Variants in SLC43A2 observed in about 807,000 individuals in gnomAD.
SLC43A2 encodes the protein solute carrier family 43 member 2.
In SLC43A2, 38 loss-of-function variants were observed where a neutral mutation model predicts 63.2. The observed-to-expected ratio is 0.60, with a 90% CI of 0.46 to 0.79. SLC43A2 has a LOEUF of 0.79. Among genes scored for constraint, SLC43A2 ranks in the 30% least tolerant of loss-of-function variants. SLC43A2 has a pLI of 0.00. For missense variants in SLC43A2, 644 were observed against 756.2 expected (o/e 0.85, Z 1.74); for synonymous variants, 322 against 331.0 (o/e 0.97, Z 0.30).
intron 5 of SLC43A2, among the ~76,000 whole-genome samples, chr17:1,608,351 G>A (rs559244444): frequency 1.3e-5 from 2 of 152,086 alleles, no homozygotes; most frequent in South Asian, 2.1e-4. Flanking sequence ...TCCAGTGGGA[G>A]AGCAAAGAGT....
At chr17:1,627,987 C>T (rs1908846099) in intron 1 of SLC43A2, 67 bp from the exon 2 acceptor site, 7 of 1,260,292 alleles carry the variant, frequency 5.6e-6, no homozygotes, top group Non-Finnish European at 7.0e-6. Flanking sequence ...CCAGCAGCCC[C>T]GACCGCTGCC....
intron 4 of SLC43A2, among the ~76,000 whole-genome samples, chr17:1,614,103 C>T (rs919972605): frequency 4.6e-5 from 7 of 152,056 alleles, no homozygotes; most frequent in Non-Finnish European, 1.0e-4. Context: ...ATTAGCCAGG[C>T]GTGGTGGCGG....
At chr17:1,599,044 T>TA (rs1905618096) in intron 5 of SLC43A2, among the ~76,000 whole-genome samples, 1 of 152,208 alleles carries the variant, frequency 6.6e-6, no homozygotes, top group South Asian at 2.1e-4. Flanking sequence ...ATTATGATCT[T>TA]TTCCTTAGAA....
At chr17:1,621,359 C>T (rs556660434) in intron 2 of SLC43A2, among the ~76,000 whole-genome samples, 3 of 152,280 alleles carry the variant, frequency 2.0e-5, no homozygotes, top group East Asian at 1.9e-4. Flanking sequence ...CCTGACTAGT[C>T]GCTTTCCGAG....
At chr17:1,592,737 T>G (rs185670691) in intron 6 of SLC43A2, among the ~76,000 whole-genome samples, 1 of 152,292 alleles carries the variant, frequency 6.6e-6, no homozygotes, top group South Asian at 2.1e-4. Flanking sequence ...CCTGACCCTG[T>G]GTGACTTCCA....
intron 11 of SLC43A2, among the ~76,000 whole-genome samples, chr17:1,580,676 C>G (rs1183623810): frequency 6.6e-6 from 1 of 152,046 alleles, no homozygotes; most frequent in Non-Finnish European, 1.5e-5. Context: ...ATTGTTCTCC[C>G]TCAGCCTCCT....
intron 11 of SLC43A2, among the ~76,000 whole-genome samples, chr17:1,582,698 C>T (rs1255374478): frequency 6.6e-6 from 1 of 152,218 alleles, no homozygotes; most frequent in Non-Finnish European, 1.5e-5. Context: ...TCACCTGCAG[C>T]AGCAAGCACA....
At chr17:1,591,960 C>T (rs1301020334) in intron 6 of SLC43A2, among the ~76,000 whole-genome samples, 1 of 152,236 alleles carries the variant, frequency 6.6e-6, no homozygotes, top group East Asian at 1.9e-4. Flanking sequence ...ACCGCCCCGC[C>T]ATGACCACGG....
intron 12 of SLC43A2, 97 bp from the exon 13 acceptor site, chr17:1,576,817 A>T: frequency 6.8e-7 from 1 of 1,464,816 alleles, no homozygotes; most frequent in African/African-American, 1.4e-5. Context: ...GGTGCCAGAG[A>T]AGGGTGGGGT....
chr17:1,586,646 T>C (rs2076106853), intron 9 of SLC43A2, among the ~76,000 whole-genome samples: 1 of 151,838 alleles, frequency 6.6e-6, no homozygotes, highest in Admixed American at 6.6e-5. Flanking sequence ...TGAGCCAAGA[T>C]CATGCCTCTG....
At chr17:1,587,098 C>CGCACCGCGTTTCCT (rs1555537687) in intron 9 of SLC43A2, 8 of 1,047,290 alleles carry the variant, frequency 7.6e-6, no homozygotes. Context: ...CTGCGTTTCC[C>CGCACCGCGTTTCCT]GCACTGCATT....
Position 1,578,345 on chromosome 17 carries a change from G to A in SLC43A2, c.1351-22C>T, listed in dbSNP as rs1448731417. ...GGATCTGGGGGAGGAAAAGGCGACT[G>A]TGGGCATAAGGCCTTAAGGGACCGT... On this transcript the variant is annotated intron_variant, in intron 11 of 13. Coordinates refer to ENST00000301335, the MANE Select transcript of SLC43A2 (RefSeq NM_152346.3). The surrounding 1 kb of genome is among the most constrained non-coding windows in gnomAD (Gnocchi z 6.5). 2 of 1,612,716 alleles carry A rather than the reference G, an allele frequency of 1.2e-6. No individual in the cohort carries two copies. The highest frequency in any genetic ancestry group is 1.7e-6 in the Non-Finnish European group (2 of 1,179,324).
chr17:1,603,451 CA>C (rs1906269319), intron 5 of SLC43A2, among the ~76,000 whole-genome samples: 1 of 151,582 alleles, frequency 6.6e-6, no homozygotes, highest in African/African-American at 2.4e-5. Context: ...AAAGCTGAAA[CA>C]CACTTTTGAC....
chr17:1,598,804 T>C (rs1385469277), intron 5 of SLC43A2, among the ~76,000 whole-genome samples: 2 of 152,134 alleles, frequency 1.3e-5, no homozygotes, highest in African/African-American at 4.8e-5. Flanking sequence ...AGGCCGACTC[T>C]CCATCTGTCC....
chr17:1,596,250 T>C (rs1160890761), intron 5 of SLC43A2, among the ~76,000 whole-genome samples: 1 of 151,604 alleles, frequency 6.6e-6, no homozygotes, highest in Non-Finnish European at 1.5e-5. Context: ...AACCGGGAGA[T>C]GGAGGTTGCA....
At chr17:1,586,184 G>C in intron 9 of SLC43A2, 133 bp from the exon 10 acceptor site, 1 of 1,359,280 alleles carries the variant, frequency 7.4e-7, no homozygotes, top group Non-Finnish European at 9.7e-7. Flanking sequence ...GTCACTATGG[G>C]TCTTGCGAGG....
chr17:1,618,065 G>A (rs1038067654), intron 2 of SLC43A2, among the ~76,000 whole-genome samples: 1 of 152,228 alleles, frequency 6.6e-6, no homozygotes, highest in Non-Finnish European at 1.5e-5. Context: ...GCCCTCTGGC[G>A]CCAGGGCTGT....
intron 3 of SLC43A2, among the ~76,000 whole-genome samples, chr17:1,616,112 G>A (rs941835516): frequency 6.6e-6 from 1 of 151,708 alleles, no homozygotes; most frequent in Non-Finnish European, 1.5e-5. Flanking sequence ...TATATTGGGG[G>A]TACGTGTTGA....
At chr17:1,584,680 C>G (rs969368752) in intron 10 of SLC43A2, among the ~76,000 whole-genome samples, 5 of 151,662 alleles carry the variant, frequency 3.3e-5, no homozygotes, top group Non-Finnish European at 7.4e-5. Context: ...ATTAGCCGGG[C>G]GTGGTGGCGG....
Sources: gnomAD v4.1 joint callset for allele counts (sites outside exome capture counted in the v4.1 genomes callset) on GRCh38, gnomAD v4.1.1 for gene constraint, Gnocchi (gnomAD v3.1) non-coding constraint, MANE v1.5 for transcripts, NCBI Gene and HGNC (gene_info 2026-07-23, HGNC 2026-07-21) for gene names.